Variants in RABGGTB observed in about 807,000 individuals in gnomAD.
The protein encoded by RABGGTB is geranylgeranyl transferase type-2 subunit beta.
In RABGGTB, 20 loss-of-function variants were observed where a neutral mutation model predicts 44.5. The ratio of observed to expected loss-of-function variants is 0.45; its 90% CI spans 0.32 to 0.65. The LOEUF (loss-of-function observed/expected upper bound fraction) is 0.65. Ranked by LOEUF, RABGGTB falls within the 30% of genes least tolerant of loss-of-function variation. The pLI is 0.05. For synonymous variants in RABGGTB, 128 were observed against 136.7 expected (o/e 0.94, Z 0.44); for missense variants, 302 against 398.7 (o/e 0.76, Z 2.06).
In RABGGTB at chr1:75,794,648, T is replaced by G. The variant is rs1649725516; in HGVS notation, c.994T>G (p.Ter332GluextTer3). ...RVNVQPELVS[*>E] ...GAATGTTCAGCCTGAGCTAGTGAGC[T>G]AGATTCATTGAATTGAAAGTTGCAT... Residue 332 changes from the stop codon to glutamate, a stop_lost, in exon 9 of 9, where the codon TAG becomes GAG. Transcript: ENST00000319942. The G allele has an allele frequency of 2.5e-6, 4 of 1,592,588 alleles. No homozygotes were observed. The highest frequency in any genetic ancestry group is 3.4e-6 in the Non-Finnish European group (4 of 1,168,900).
rs760573112 is a variant in RABGGTB, at chr1:75,789,139, GA to G, written c.112-17del. On this transcript the variant is annotated intron_variant, in intron 2 of 8. Transcript: ENST00000319942. Reference sequence around the variant, plus strand: ...TTACCAGTTCAAATGACAGATTTAAGAAATTGTGTATTATTTTAGGAATACT... The same window carrying G: ...TTACCAGTTCAAATGACAGATTTAAGAATTGTGTATTATTTTAGGAATACT... 5 of 1,604,904 alleles carry G rather than the reference GA, an allele frequency of 3.1e-6. No individual in the cohort carries two copies. The highest frequency in any genetic ancestry group is 4.3e-6 in the Non-Finnish European group (5 of 1,171,952).
At chr1:75,789,479 T>C in intron 3 of RABGGTB, 123 bp downstream of exon 3, 1 of 981,958 alleles carries the variant, frequency 1.0e-6, no homozygotes, top group African/African-American at 1.6e-5. Flanking sequence ...TCCTACAAGG[T>C]CAATGATGTA....
intron 4 of RABGGTB, 126 bp downstream of exon 4, chr1:75,790,183 A>T (rs2100486744): frequency 6.7e-7 from 1 of 1,490,962 alleles, no homozygotes; most frequent in Non-Finnish European, 8.9e-7. Context: ...AACTGGAGTT[A>T]ATGGTCTGCT....
intron 3 of RABGGTB, 64 bp downstream of exon 3, chr1:75,789,420 T>G: frequency 3.3e-6 from 5 of 1,510,702 alleles, no homozygotes; most frequent in Non-Finnish European, 9.2e-7. Flanking sequence ...AGTTGGAAAT[T>G]GAAACTGTAT....
chr1:75,790,197 A>T, intron 4 of RABGGTB, 140 bp downstream of exon 4: 1 of 1,468,924 alleles, frequency 6.8e-7, no homozygotes, highest in Middle Eastern at 2.3e-4. Flanking sequence ...GTCTGCTGGA[A>T]CTTCCAGCAT....
At chr1:75,790,964 G>GT (rs1265758352) in intron 4 of RABGGTB, among the ~76,000 whole-genome samples, 2 of 152,054 alleles carry the variant, frequency 1.3e-5, no homozygotes, top group African/African-American at 4.8e-5. Flanking sequence ...TTTTTAAAAA[G>GT]TTTTTTGTAG....
At chr1:75,789,901 AT>A in intron 3 of RABGGTB, 50 bp from the exon 4 acceptor site, 1 of 1,351,082 alleles carries the variant, frequency 7.4e-7, no homozygotes, top group Non-Finnish European at 1.1e-6. Flanking sequence ...GCATAAGATC[AT>A]TAGAATAAAC....
In RABGGTB at chr1:75,789,193, G is replaced by T. The variant is rs1466404152; in HGVS notation, c.146G>T (p.Gly49Val). 6.2e-7 allele frequency: 1 copy of T among 1,613,882 alleles called. No individual in the cohort carries two copies. Among genetic ancestry groups the T allele is most frequent in the Admixed American group, 1.7e-5 (1 of 60,020 alleles). The change falls in exon 3 of 9, where the codon GGC (glycine) becomes GTC (valine). Residue 49 changes from glycine to valine, a missense_variant. By Grantham distance (109) the Gly-to-Val change is moderately radical. Coordinates refer to ENST00000319942, the MANE Select transcript of RABGGTB (RefSeq NM_004582.4). Reference sequence around the variant, plus strand: ...ATGTCTGAGTATTTGAGAATGAGTGGCATCTATTGGGGTCTGACAGTAATG... The same window carrying T: ...ATGTCTGAGTATTTGAGAATGAGTGTCATCTATTGGGGTCTGACAGTAATG... The part of the protein sequence containing the change: ...YCMSEYLRMS[G>V]IYWGLTVMDL...
At position 75,794,488 on chromosome 1, in the gene RABGGTB, ATAT is replaced by A. The variant is rs556377885; in HGVS notation, c.856-21_856-19del. On this transcript the variant is annotated intron_variant, in intron 8 of 8. Coordinates refer to ENST00000319942, the MANE Select transcript of RABGGTB (RefSeq NM_004582.4). The stretch of plus-strand genomic sequence containing the variant: ...AAGAAGTTTTCATTTTGTGATCTGT[ATAT>A]AAATTCTTTTTTAAATAGGTGGATC... 278 of 1,600,684 alleles carry A rather than the reference ATAT, an allele frequency of 1.7e-4. 3 individuals are homozygous for A. In the South Asian group the frequency reaches 3.0e-3, roughly 17 times the overall value.
At chr1:75,791,857 A>T (rs1435052426) in intron 6 of RABGGTB, 11 of 418,570 alleles carry the variant, frequency 2.6e-5, no homozygotes, top group Non-Finnish European at 4.2e-5. Context: ...AGATAAAAAA[A>T]AAAACAACAC....
Position 75,789,834 on chromosome 1 carries a change from G to A in RABGGTB, c.310-118G>A, listed in dbSNP as rs1196809505. 1.1e-5 allele frequency: 8 copies of A among 719,980 alleles called. No individual in the cohort carries two copies. In the Admixed American group the frequency reaches 2.0e-4, roughly 18 times the overall value. 44.6% of individuals were successfully genotyped at this position (719,980 alleles called of 1,614,324 possible). A position where few individuals can be genotyped will look rare whatever the true frequency, so the allele number is the denominator to read the frequency against. Reference sequence around the variant, plus strand: ...ATAACAGGAGAGTCTGCATATTTGAGAAAAGGTTATATACACAGAGACAAA... The same window carrying A: ...ATAACAGGAGAGTCTGCATATTTGAAAAAAGGTTATATACACAGAGACAAA... On this transcript the variant is annotated intron_variant, in intron 3 of 8. Transcript: ENST00000319942.
rs966399834 is a variant in RABGGTB, at chr1:75,794,336, G to A, written c.855+103G>A. On this transcript the variant is annotated intron_variant, in intron 8 of 8. Coordinates refer to ENST00000319942, the MANE Select transcript of RABGGTB (RefSeq NM_004582.4). ...TGGCATTCCGAGTGTTGCTTTGAAA[G>A]CAGTTTTTTTTTCTATTTATTGTAG... The A allele has an allele frequency of 4.2e-6, 6 of 1,417,684 alleles. No homozygotes were observed. The African/African-American group carries it at 5.8e-5, about 14-fold the overall frequency. 87.8% of individuals were successfully genotyped at this position (1,417,684 alleles called of 1,614,324 possible). A position where few individuals can be genotyped will look rare whatever the true frequency, so the allele number is the denominator to read the frequency against.
intron 1 of RABGGTB, chr1:75,786,710 G>A (rs1169591744): frequency 7.3e-6 from 2 of 274,934 alleles, no homozygotes; most frequent in African/African-American, 4.6e-5. Flanking sequence ...TGACTGCAGT[G>A]TACTCTCAAT....
chr1:75,786,262 C>T lies in RABGGTB; in HGVS notation c.-10C>T, dbSNP rs201344239. 2.7e-5 allele frequency: 43 copies of T among 1,614,202 alleles called. No homozygotes were observed. The East Asian group carries it at 4.0e-4, about 15-fold the overall frequency. ...GGAACTGACCCTGCTCTCTCCTTTC[C>T]CTGTTAGACATGGTAAGTGTGAGTT... On this transcript the variant is annotated 5_prime_UTR_variant, in exon 1 of 9. Transcript: ENST00000319942.
At chr1:75,790,958 TA>T (rs1414734494) in intron 4 of RABGGTB, among the ~76,000 whole-genome samples, 3 of 152,134 alleles carry the variant, frequency 2.0e-5, no homozygotes, top group Non-Finnish European at 2.9e-5. Context: ...TAATTTTTTT[TA>T]AAAAGTTTTT....
intron 1 of RABGGTB, chr1:75,786,555 T>C (rs949149745): frequency 2.4e-6 from 1 of 412,570 alleles, no homozygotes; most frequent in African/African-American, 2.1e-5. Flanking sequence ...TGTGGCTGAT[T>C]GGTGGCTTTT....
At position 75,794,590 on chromosome 1, in the gene RABGGTB, C is replaced by G. The variant is rs773551265; in HGVS notation, c.936C>G (p.Val312=). ...GEEQIKPVNP[V]FCMPEEVLQR... is the part of the protein sequence containing the mutation. ...AACAGATTAAACCTGTTAATCCTGT[C>G]TTTTGCATGCCTGAAGAAGTGCTTC... The change falls in exon 9 of 9, where the codon GTC becomes GTG. Residue 312 remains valine (V), a synonymous_variant. Transcript: ENST00000319942. 1.2e-6 allele frequency: 2 copies of G among 1,613,064 alleles called. No individual in the cohort carries two copies. Among genetic ancestry groups the G allele is most frequent in the Non-Finnish European group, 1.7e-6 (2 of 1,179,432 alleles).
At position 75,790,030 on chromosome 1, in the gene RABGGTB, G is replaced by A; in HGVS notation, c.388G>A (p.Asp130Asn). 1.2e-6 allele frequency: 2 copies of A among 1,612,722 alleles called. No homozygotes were observed. Among genetic ancestry groups the A allele is most frequent in the Non-Finnish European group, 1.7e-6 (2 of 1,178,988 alleles). ...ATATGTTAAAGGTCTACAGAAAGAA[G>A]ATGGTTCTTTTGCTGGAGATATTTG... ...VEYVKGLQKE[D>N]GSFAGDIWGE... Residue 130 changes from aspartate to asparagine, a missense_variant, in exon 4 of 9, where the codon GAT (aspartate) becomes AAT (asparagine). This residue lies in a region of RABGGTB where 213 missense variants were observed against 323.7 expected (regional missense o/e 0.66). Transcript: ENST00000319942.
At position 75,786,300 on chromosome 1, in the gene RABGGTB, C is replaced by T. The variant is rs781757072; in HGVS notation, c.3+26C>T. On this transcript the variant is annotated intron_variant, in intron 1 of 8. Coordinates refer to ENST00000319942, the MANE Select transcript of RABGGTB (RefSeq NM_004582.4). Reference sequence around the variant, plus strand: ...GTAAGTGTGAGTTTAGCGCTGCTGTCCGGATGGGTTGGTAGCAGACAGGGT... The same window carrying T: ...GTAAGTGTGAGTTTAGCGCTGCTGTTCGGATGGGTTGGTAGCAGACAGGGT... The T allele has an allele frequency of 3.7e-6, 6 of 1,613,934 alleles. No homozygotes were observed. The East Asian group carries it at 8.9e-5, about 24-fold the overall frequency.
Sources: allele counts gnomAD v4.1 joint callset (sites outside exome capture counted in the v4.1 genomes callset), GRCh38; gene constraint gnomAD v4.1.1; regional missense constraint gnomAD v4.1.1; transcripts MANE v1.5; gene names NCBI Gene and HGNC (gene_info 2026-07-23, HGNC 2026-07-21).